Variants in ABCC2 observed in about 807,000 individuals in gnomAD.
The protein encoded by ABCC2 is ATP binding cassette subfamily C member 2, also known as ATP-binding cassette sub-family C member 2.
Under a neutral mutation model 173.4 loss-of-function variants are expected in ABCC2, and 157 were observed. The observed-to-expected ratio is 0.91, with a 90% CI of 0.80 to 1.03. The LOEUF (loss-of-function observed/expected upper bound fraction) is 1.03. ABCC2 is among the 50% of genes least tolerant of loss of function. The probability of loss-of-function intolerance (pLI) is 0.00; values close to 1 mark genes in which losing one functional copy is unlikely to be tolerated. For synonymous variants in ABCC2, 657 were observed against 693.5 expected, an observed-to-expected ratio of 0.95 and a Z score of 0.83; for missense variants, 1,822 against 1,852.3, an observed-to-expected ratio of 0.98 and a Z score of 0.30.
chr10:99,792,094 A>C, intron 2 of ABCC2, 140 bp from the exon 3 acceptor site: 1 of 1,060,166 alleles, frequency 9.4e-7, no homozygotes, highest in South Asian at 1.3e-5. Context: ...AACTGTATGT[A>C]TCCATTCTTT....
chr10:99,814,795 A>ATGTGTGTG (rs147016911), intron 16 of ABCC2, among the ~76,000 whole-genome samples: 4 of 135,588 alleles, frequency 3.0e-5, no homozygotes, highest in Non-Finnish European at 4.8e-5. Flanking sequence ...ACACACACAC[A>ATGTGTGTG]TATGTGTGTG....
intron 16 of ABCC2, among the ~76,000 whole-genome samples, chr10:99,815,436 T>C (rs2038392015): frequency 6.6e-6 from 1 of 152,146 alleles, no homozygotes; most frequent in Non-Finnish European, 1.5e-5. Flanking sequence ...CCTCAAGTGA[T>C]CCATCTGCCT....
chr10:99,795,927 C>G (rs1370761977), intron 6 of ABCC2, among the ~76,000 whole-genome samples: 1 of 152,120 alleles, frequency 6.6e-6, no homozygotes, highest in Non-Finnish European at 1.5e-5. Flanking sequence ...ATCACTTGAG[C>G]CCAGAAGTTT....
chr10:99,833,635 T>C (rs763006521), intron 23 of ABCC2, among the ~76,000 whole-genome samples: 33 of 152,186 alleles, frequency 2.2e-4, no homozygotes, highest in Non-Finnish European at 4.4e-4. Context: ...GTGGGTATAG[T>C]TATTTGCATT....
rs2038474519 is a variant in ABCC2 at position 99,818,910 on chromosome 10, CAT to C, written c.2395_2396del (p.Ile799PhefsTer2). 11 of 1,609,092 alleles carry C rather than the reference CAT, an allele frequency of 6.8e-6. No individual in the cohort carries two copies. The highest frequency in any genetic ancestry group is 9.3e-6 in the Non-Finnish European group (11 of 1,177,178). ...LSAVDAHVGK[H>X]IFNKVLGPNG... The stretch of plus-strand genomic sequence containing the variant: ...TGCAGTGGATGCTCATGTAGGAAAA[CAT>C]ATTTTTAATAAGGTCTTGGGCCCCA... On this transcript the variant is annotated frameshift_variant, in exon 18 of 32. Transcript: ENST00000647814. LOFTEE classifies it high-confidence loss of function.
At chr10:99,812,522 C>A (rs986821779) in intron 15 of ABCC2, among the ~76,000 whole-genome samples, 2 of 152,208 alleles carry the variant, frequency 1.3e-5, no homozygotes, top group African/African-American at 2.4e-5. Flanking sequence ...AATCTACTTT[C>A]AGCAAATGTT....
At chr10:99,796,243 G>A (rs982989392) in intron 6 of ABCC2, among the ~76,000 whole-genome samples, 2 of 151,976 alleles carry the variant, frequency 1.3e-5, no homozygotes, top group African/African-American at 4.8e-5. Context: ...AGTGGTTCAC[G>A]CCTGTAATCT....
chr10:99,819,079 A>AT lies in ABCC2; in HGVS notation c.2440-5dup, dbSNP rs1389743857. The stretch of plus-strand genomic sequence containing the variant: ...ATGGTAATCAACACAACTTCATATT[A>AT]TTTTTATAGACTCGACTCTTGGTTA... On this transcript the variant is annotated splice_polypyrimidine_tract_variant and intron_variant, in intron 18 of 31. Transcript: ENST00000647814. 4 of 1,613,934 alleles carry AT rather than the reference A, an allele frequency of 2.5e-6. No homozygotes were observed. In the African/African-American group the frequency reaches 5.3e-5, roughly 22 times the overall value.
chr10:99,814,281 G>GTGTA lies in ABCC2; in HGVS notation c.2094+1138_2094+1139insGTAT, dbSNP rs2038302771. Among the ~76,000 whole-genome samples the GTGTA allele has an allele frequency of 4.6e-5, 2 of 43,178 alleles. 1 individual carries two copies. Among genetic ancestry groups the GTGTA allele is most frequent in the African/African-American group, 2.2e-4 (2 of 9,072 alleles). 28.3% of individuals were successfully genotyped at this position (43,178 alleles called of 152,430 possible). The stretch of plus-strand genomic sequence containing the variant: ...TACACACGTATGTATACACACGTAT[G>GTGTA]TATACACACACGTATGTATACACAC... On this transcript the variant is annotated intron_variant, in intron 16 of 31. Transcript: ENST00000647814.
At chr10:99,795,783 G>T (rs892817881) in intron 6 of ABCC2, among the ~76,000 whole-genome samples, 1 of 145,976 alleles carries the variant, frequency 6.9e-6, no homozygotes, top group Middle Eastern at 3.7e-3. Flanking sequence ...AAGAAAGAAA[G>T]AAAGAAAGAA....
intron 25 of ABCC2, among the ~76,000 whole-genome samples, chr10:99,839,142 AC>A (rs1421557761): frequency 2.0e-5 from 1 of 51,096 alleles, no homozygotes; most frequent in South Asian, 7.9e-4. Context: ...CGGGGGGCCG[AC>A]CCCCCCACCT....
chr10:99,836,312 T>C (rs2038823910), intron 25 of ABCC2, 22 bp downstream of exon 25: 7 of 1,613,240 alleles, frequency 4.3e-6, no homozygotes, highest in Non-Finnish European at 5.9e-6. Context: ...CCTGGGTATT[T>C]ACCCATGTGT....
chr10:99,793,829 C>CGTAT (rs1320680123), intron 4 of ABCC2, 63 bp from the exon 5 acceptor site: 10 of 1,564,558 alleles, frequency 6.4e-6, no homozygotes. Context: ...TTGATATATA[C>CGTAT]GGGCCATGTA....
At chr10:99,811,910 C>T (rs1293489683) in intron 15 of ABCC2, among the ~76,000 whole-genome samples, 1 of 152,116 alleles carries the variant, frequency 6.6e-6, no homozygotes, top group Non-Finnish European at 1.5e-5. Flanking sequence ...AGGTGGCCGG[C>T]GTCTCTGGGT....
At chr10:99,785,012 G>C (rs1359672817) in intron 2 of ABCC2, among the ~76,000 whole-genome samples, 1 of 151,968 alleles carries the variant, frequency 6.6e-6, no homozygotes, top group Non-Finnish European at 1.5e-5. Flanking sequence ...TGGATATTGG[G>C]TTCCCTAAAC....
Position 99,818,898 on chromosome 10 carries a change from C to A in ABCC2, c.2380C>A (p.His794Asn), listed in dbSNP as rs201303732. Residue 794 changes from histidine (H) to asparagine (N), a missense_variant, in exon 18 of 32, where the codon CAT (histidine) becomes AAT (asparagine). His to Asn is a moderately conservative substitution (Grantham distance 68). Coordinates refer to ENST00000647814, the MANE Select transcript of ABCC2 (RefSeq NM_000392.5). ...LDDPLSAVDA[H>N]VGKHIFNKVL... is the part of the protein sequence containing the mutation. ...TGACCCCCTGTCTGCAGTGGATGCTCATGTAGGAAAACATATTTTTAATAA... is the reference window on the plus strand; with the variant it reads ...TGACCCCCTGTCTGCAGTGGATGCTAATGTAGGAAAACATATTTTTAATAA... 6.2e-7 allele frequency: 1 copy of A among 1,613,784 alleles called. No homozygotes were observed. Among genetic ancestry groups the A allele is most frequent in the Admixed American group, 1.7e-5 (1 of 59,978 alleles).
At position 99,820,387 on chromosome 10, in the gene ABCC2, A is replaced by ATC. The variant is rs2038512647; in HGVS notation, c.2620+1121_2620+1122dup. Reference sequence around the variant, plus strand: ...GCCTGGGCAACAAGAGTGAAACTCCATCTCACACACACACACACACACAAA... The same window carrying ATC: ...GCCTGGGCAACAAGAGTGAAACTCCATCTCTCACACACACACACACACACAAA... On this transcript the variant is annotated intron_variant, in intron 19 of 31. Transcript: ENST00000647814. Among the ~76,000 whole-genome samples the ATC allele has an allele frequency of 3.9e-5, 3 of 76,374 alleles. No homozygotes were observed. In the South Asian group the frequency reaches 1.2e-3, roughly 29 times the overall value. 50.1% of individuals were successfully genotyped at this position (76,374 alleles called of 152,430 possible).
At chr10:99,830,215 C>G (rs2038713665) in intron 19 of ABCC2, 92 bp from the exon 20 acceptor site, 1 of 1,548,120 alleles carries the variant, frequency 6.5e-7, no homozygotes, top group African/African-American at 1.4e-5. Context: ...TTGCTGAAAC[C>G]AGCAAGATCA....
rs1304909462 is a variant in ABCC2, at chr10:99,814,414, TATATGTGTGCATATATGTGTATACACAC to T, written c.2094+1280_2094+1307del. The stretch of plus-strand genomic sequence containing the variant: ...ATATGGGTATATATACACACGTGTA[TATATGTGTGCATATATGTGTATACACAC>T]ATATGTGTGTATATACATACACACA... On this transcript the variant is annotated intron_variant, in intron 16 of 31. Coordinates refer to ENST00000647814, the MANE Select transcript of ABCC2 (RefSeq NM_000392.5). Among the ~76,000 whole-genome samples, 10 of 142,910 alleles carry T rather than the reference TATATGTGTGCATATATGTGTATACACAC, an allele frequency of 7.0e-5. 2 individuals are homozygous for T. Among genetic ancestry groups the T allele is most frequent in the Admixed American group, 6.9e-4 (10 of 14,568 alleles). 93.8% of individuals were successfully genotyped at this position (142,910 alleles called of 152,430 possible).
Sources: gnomAD v4.1 joint callset for allele counts (sites outside exome capture counted in the v4.1 genomes callset) on GRCh38, gnomAD v4.1.1 for gene constraint, MANE v1.5 for transcripts, NCBI Gene and HGNC (gene_info 2026-07-23, HGNC 2026-07-21) for gene names.